Variants in DIAPH2 observed in about 807,000 individuals in gnomAD.
DIAPH2 encodes diaphanous related formin 2, also known as protein diaphanous homolog 2.
Under a neutral mutation model 92.7 loss-of-function variants are expected in DIAPH2, and 35 were observed. That is an observed-to-expected ratio of 0.38 (90% confidence interval 0.29 to 0.50). The LOEUF (loss-of-function observed/expected upper bound fraction) is 0.50, where lower values mean the gene tolerates loss of function less well. Among genes scored for constraint, DIAPH2 ranks in the 20% least tolerant of loss-of-function variants. The pLI, the probability that DIAPH2 is intolerant of heterozygous loss-of-function variation, is 0.94. For synonymous variants in DIAPH2, 301 were observed against 280.4 expected, an observed-to-expected ratio of 1.07 and a Z score of -0.73; for missense variants, 701 against 819.5, an observed-to-expected ratio of 0.86 and a Z score of 1.77.
chrX:97,032,257 G>C (rs1295694585), intron 17 of DIAPH2, among the ~76,000 whole-genome samples: 1 of 111,349 alleles, frequency 9.0e-6, no homozygotes, highest in Non-Finnish European at 1.9e-5. Context: ...GCAGAGACTA[G>C]TCTGGAGCTT....
chrX:97,189,910 TACTCAA>T (rs1602404384), intron 22 of DIAPH2, among the ~76,000 whole-genome samples: 1 of 112,933 alleles, frequency 8.9e-6, no homozygotes, highest in African/African-American at 3.2e-5. Flanking sequence ...AAAGGCTGCC[TACTCAA>T]ACTCTGGGCA....
intron 24 of DIAPH2, among the ~76,000 whole-genome samples, chrX:97,365,641 C>A (rs1401944674): frequency 1.8e-5 from 2 of 110,604 alleles, no homozygotes; most frequent in African/African-American, 6.6e-5. Context: ...AAAATTACCC[C>A]CTATTTGGTA....
intron 26 of DIAPH2, among the ~76,000 whole-genome samples, chrX:97,491,392 A>G (rs959221562): frequency 9.0e-6 from 1 of 111,284 alleles, no homozygotes; most frequent in African/African-American, 3.3e-5. Context: ...TGGGGAGTTT[A>G]ATCCATTTGC....
At chrX:97,033,477 C>G (rs2066390360) in intron 17 of DIAPH2, among the ~76,000 whole-genome samples, 1 of 111,770 alleles carries the variant, frequency 8.9e-6, no homozygotes, top group Non-Finnish European at 1.9e-5. Context: ...CCCTCTTTCT[C>G]TCTCTTCTTT....
chrX:96,873,885 A>G (rs901732032), intron 4 of DIAPH2, among the ~76,000 whole-genome samples: 7 of 111,268 alleles, frequency 6.3e-5, no homozygotes, highest in Non-Finnish European at 5.7e-5. Context: ...AACTGCATGC[A>G]TATTTCCAAT....
At chrX:97,277,683 T>A (rs1440503883) in intron 23 of DIAPH2, among the ~76,000 whole-genome samples, 1 of 111,814 alleles carries the variant, frequency 8.9e-6, no homozygotes, top group Admixed American at 9.5e-5. Flanking sequence ...CCTACTGGAT[T>A]TGGGAGCTAT....
rs185163434 is a variant in DIAPH2, at chrX:97,208,396, G to A, written c.2720-39319G>A. Among the ~76,000 whole-genome samples, 5 of 112,189 alleles carry A rather than the reference G, an allele frequency of 4.5e-5. No individual in the cohort carries two copies. The East Asian group carries it at 1.4e-3, about 32-fold the overall frequency. ...CTGAAGGCAGATTAACTCTGAAGGAGTCAACCAGTTCTGCAATTTAGATTG... is the reference window on the plus strand; with the variant it reads ...CTGAAGGCAGATTAACTCTGAAGGAATCAACCAGTTCTGCAATTTAGATTG... On this transcript the variant is annotated intron_variant, in intron 22 of 26. Transcript: ENST00000324765.
At chrX:97,393,026 G>A (rs1042868423) in intron 25 of DIAPH2, among the ~76,000 whole-genome samples, 5 of 111,109 alleles carry the variant, frequency 4.5e-5, no homozygotes, top group Admixed American at 9.7e-5. Flanking sequence ...CAGGGGAGTT[G>A]TGGCATGATG....
At chrX:97,562,341 CAA>C (rs760285716) in intron 26 of DIAPH2, among the ~76,000 whole-genome samples, 193 of 86,689 alleles carry the variant, frequency 2.2e-3, no homozygotes, top group African/African-American at 7.4e-3. Context: ...ACTAAAAATA[CAA>C]AAAAAAAAAA....
At chrX:96,817,990 TG>T (rs374923898) in intron 4 of DIAPH2, among the ~76,000 whole-genome samples, 8,719 of 92,753 alleles carry the variant, frequency 0.094, 444 homozygotes, top group East Asian at 0.3. Context: ...TTTTTTTTTT[TG>T]CTTTTTTTGA....
At chrX:96,910,550 T>C (rs890819922) in intron 5 of DIAPH2, among the ~76,000 whole-genome samples, 9 of 111,598 alleles carry the variant, frequency 8.1e-5, no homozygotes, top group Non-Finnish European at 1.7e-4. Context: ...GGTTTAAATA[T>C]AGACAGCATA....
chrX:96,757,313 T>A (rs1021490547), intron 3 of DIAPH2, among the ~76,000 whole-genome samples: 3 of 111,837 alleles, frequency 2.7e-5, no homozygotes, highest in African/African-American at 9.8e-5. Context: ...GTTCTTTGTA[T>A]ATCTGGGTAC....
rs188426920 is a variant in DIAPH2 at position 97,255,011 on chromosome X, T to C, written c.2844+7172T>C. ...GAGCCACTGCACCCAGCCTTAACTT[T>C]ATTTTAAATGTGATAAAATTGAGGC... On this transcript the variant is annotated intron_variant, in intron 23 of 26. Coordinates refer to ENST00000324765, the MANE Select transcript of DIAPH2 (RefSeq NM_006729.5). 2.2e-3 allele frequency among the ~76,000 whole-genome samples: 247 copies of C among 111,789 alleles called. 1 individual carries two copies. The highest frequency in any genetic ancestry group is 7.8e-3 in the African/African-American group (239 of 30,791).
At chrX:96,859,610 C>CTTATTTATTTAT (rs35571904) in intron 4 of DIAPH2, among the ~76,000 whole-genome samples, 1 of 94,434 alleles carries the variant, frequency 1.1e-5, no homozygotes. Flanking sequence ...ATAATAGATT[C>CTTATTTATTTAT]TTATTTATTT....
At chrX:97,035,727 G>T (rs1164408501) in intron 17 of DIAPH2, among the ~76,000 whole-genome samples, 2 of 111,348 alleles carry the variant, frequency 1.8e-5, no homozygotes, top group East Asian at 5.7e-4. Context: ...AATGGATTTC[G>T]ACTGGACATG....
chrX:96,732,599 C>G (rs761069036), intron 1 of DIAPH2, among the ~76,000 whole-genome samples: 1 of 112,008 alleles, frequency 8.9e-6, no homozygotes, highest in Non-Finnish European at 1.9e-5. Context: ...TTATGTTTCT[C>G]TATCACACGT....
chrX:96,985,917 AG>A (rs2066028414), intron 17 of DIAPH2, among the ~76,000 whole-genome samples: 1 of 111,041 alleles, frequency 9.0e-6, no homozygotes, highest in South Asian at 3.8e-4. Context: ...GACTGTTAGC[AG>A]GGGCAGGCAT....
chrX:97,141,642 A>C, intron 21 of DIAPH2, 23 bp from the exon 22 acceptor site: 1 of 1,167,798 alleles, frequency 8.6e-7, no homozygotes, highest in Non-Finnish European at 1.1e-6. Flanking sequence ...ATTACTAAAA[A>C]ATGTGTTGTT....
At chrX:97,471,689 T>TC (rs2070564510) in intron 26 of DIAPH2, among the ~76,000 whole-genome samples, 3 of 5,210 alleles carry the variant, frequency 5.8e-4, no homozygotes, top group Non-Finnish European at 1.2e-3. Context: ...AAAATCCGTC[T>TC]CAAAAAAAAA....
Sources: gnomAD v4.1 joint callset for allele counts (sites outside exome capture counted in the v4.1 genomes callset) on GRCh38, gnomAD v4.1.1 for gene constraint, MANE v1.5 for transcripts, NCBI Gene and HGNC (gene_info 2026-07-23, HGNC 2026-07-21) for gene names.